The following GPAM variants were observed in gnomAD, a reference collection of about 807,000 sequenced individuals.
GPAM encodes glycerol-3-phosphate acyltransferase 1, mitochondrial.
In GPAM, 56 loss-of-function variants were observed where a neutral mutation model predicts 105.0. The ratio of observed to expected loss-of-function variants is 0.53; its 90% CI spans 0.43 to 0.67. GPAM has a LOEUF of 0.67. Among genes scored for constraint, GPAM ranks in the 30% least tolerant of loss-of-function variants. The pLI is 0.00. For missense variants in GPAM, 855 were observed against 989.8 expected, an observed-to-expected ratio of 0.86 and a Z score of 1.83; for synonymous variants, 368 against 354.4, an observed-to-expected ratio of 1.04 and a Z score of -0.43.
chr10:112,180,482 G>A lies in GPAM; in HGVS notation c.216C>T (p.Pro72=). 6.2e-7 allele frequency: 1 copy of A among 1,613,586 alleles called. No individual in the cohort carries two copies. The highest frequency in any genetic ancestry group is 8.5e-7 in the Non-Finnish European group (1 of 1,179,518). ...FVGRCCYSCT[P]QSWDKFFNPS... Reference sequence around the variant, plus strand: ...GCAGTAAGGTTCTTACCCAGCTCTGGGGAGTGCAGGAGTAACAACATCTTC... The same window carrying A: ...GCAGTAAGGTTCTTACCCAGCTCTGAGGAGTGCAGGAGTAACAACATCTTC... Residue 72 remains proline, a synonymous_variant, in exon 4 of 22, where the codon CCC becomes CCT. Coordinates refer to ENST00000348367, the MANE Select transcript of GPAM (RefSeq NM_001244949.2).
intron 1 of GPAM, among the ~76,000 whole-genome samples, chr10:112,195,521 C>G (rs1009084887): frequency 6.6e-6 from 1 of 152,182 alleles, no homozygotes; most frequent in African/African-American, 2.4e-5. Context: ...CAGCTCAAGT[C>G]TCACCGCCTC....
At chr10:112,154,854 G>A (rs1249296049) in intron 20 of GPAM, 167 bp from the exon 21 acceptor site, 1 of 680,344 alleles carries the variant, frequency 1.5e-6, no homozygotes, top group Non-Finnish European at 2.7e-6. Flanking sequence ...GTTCTCAGAT[G>A]ACTTGCTGTT....
chr10:112,173,357 G>A (rs2133254766), intron 7 of GPAM, among the ~76,000 whole-genome samples: 1 of 152,258 alleles, frequency 6.6e-6, no homozygotes, highest in Non-Finnish European at 1.5e-5. Context: ...CAAGGCGAAT[G>A]AATATTTAGT....
At chr10:112,186,637 C>T (rs1284719995), upstream of GPAM, among the ~76,000 whole-genome samples, 1 of 152,116 alleles carries the variant, frequency 6.6e-6, no homozygotes, top group Non-Finnish European at 1.5e-5. Flanking sequence ...ACCTCCTCCT[C>T]ACAGGTTCAA....
intron 1 of GPAM, among the ~76,000 whole-genome samples, chr10:112,213,376 G>T (rs1847933993): frequency 6.6e-6 from 1 of 152,178 alleles, no homozygotes; most frequent in Non-Finnish European, 1.5e-5. Flanking sequence ...TCATTGTGGG[G>T]ACTGAGTTAA....
Position 112,197,602 on chromosome 10 carries a change from G to T in GPAM, n.211-14711C>A, listed in dbSNP as rs1363408365. The stretch of plus-strand genomic sequence containing the variant: ...GCTGCACCCACTAACTCATCATCTA[G>T]CATTAGGTATATCTCCCAATGCTAT... On this transcript the variant is annotated intron_variant and non_coding_transcript_variant, in intron 1 of 3. Coordinates refer to the GPAM transcript ENST00000480130. Among the ~76,000 whole-genome samples the T allele has an allele frequency of 6.0e-5, 9 of 149,568 alleles. No individual in the cohort carries two copies. In the East Asian group the frequency reaches 1.8e-3, roughly 29 times the overall value.
At chr10:112,222,643 C>T in the GPAM span, among the ~76,000 whole-genome samples, 1 of 152,178 alleles carries the variant, frequency 6.6e-6, no homozygotes, top group Non-Finnish European at 1.5e-5. Flanking sequence ...AAGCATGGCA[C>T]ACATTGTTCC....
Position 112,157,255 on chromosome 10 carries a change from G to A in GPAM, c.2115C>T (p.Tyr705=). The A allele has an allele frequency of 6.2e-7, 1 of 1,613,504 alleles. No individual in the cohort carries two copies. The highest frequency in any genetic ancestry group is 1.1e-5 in the South Asian group (1 of 91,054). Residue 705 remains tyrosine (Y), a synonymous_variant, in exon 19 of 22, where the codon TAC becomes TAT. Transcript: ENST00000348367. ...GAATTCTTCACCCAAGTACCTTCAG[G>A]TAGCAATCTCGCTGTTCCTCCCCAA... ...SDFGEEQRDC[Y]LKVSQSKEHQ...
At chr10:112,177,900 G>A in intron 5 of GPAM, 84 bp downstream of exon 5, 1 of 752,628 alleles carries the variant, frequency 1.3e-6, no homozygotes, top group Non-Finnish European at 2.4e-6. Context: ...GTAATGCAAA[G>A]CAATTCAGCT....
intron 1 of GPAM, among the ~76,000 whole-genome samples, chr10:112,208,895 A>G (rs1847880487): frequency 6.6e-6 from 1 of 152,182 alleles, no homozygotes; most frequent in South Asian, 2.1e-4. Flanking sequence ...GACTGGAAAA[A>G]ACATCATAAG....
chr10:112,168,620 C>A lies in GPAM; in HGVS notation c.895-96G>T, dbSNP rs573252309. 5.9e-5 allele frequency: 51 copies of A among 858,590 alleles called. No homozygotes were observed. In the East Asian group the frequency reaches 1.2e-3, roughly 20 times the overall value. The allele number at this position is 858,590 out of a possible 1,614,324, so 53.2% of individuals were successfully genotyped here. ...ATCTTTAAAAGCAAAACAGAAAAAA[C>A]GATAACTTCACTACTGACAAAGTAT... On this transcript the variant is annotated intron_variant, in intron 10 of 21. Transcript: ENST00000348367.
At chr10:112,224,323 A>G in the GPAM span, among the ~76,000 whole-genome samples, 5 of 152,208 alleles carry the variant, frequency 3.3e-5, no homozygotes, top group East Asian at 3.8e-4. Context: ...AGCAAGAACA[A>G]CTAGGCCCAA....
At position 112,150,571 on chromosome 10, in the gene GPAM, T is replaced by TA. The variant is rs1263417667; in HGVS notation, c.*2978dup. 10 of 983,288 alleles carry TA rather than the reference T, an allele frequency of 1.0e-5. No individual in the cohort carries two copies. Among genetic ancestry groups the TA allele is most frequent in the African/African-American group, 1.7e-5 (1 of 57,198 alleles). 60.9% of individuals were successfully genotyped at this position (983,288 alleles called of 1,614,324 possible). A position where few individuals can be genotyped will look rare whatever the true frequency, so the allele number is the denominator to read the frequency against. Reference sequence around the variant, plus strand: ...TGTCTCCTTAAAGAACTATCTAACATAGTGTTTCCCAAAATGTTCTCCACA... The same window carrying TA: ...TGTCTCCTTAAAGAACTATCTAACATAAGTGTTTCCCAAAATGTTCTCCACA... On this transcript the variant is annotated 3_prime_UTR_variant, in exon 22 of 22. Coordinates refer to ENST00000348367, the MANE Select transcript of GPAM (RefSeq NM_001244949.2).
intron 1 of GPAM, among the ~76,000 whole-genome samples, chr10:112,214,696 C>T (rs562609755): frequency 3.9e-5 from 6 of 152,334 alleles, no homozygotes; most frequent in South Asian, 2.1e-4. Flanking sequence ...GCCAACATCA[C>T]GAGGATTGGT....
At chr10:112,172,943 G>C in intron 8 of GPAM, 27 bp downstream of exon 8, 1 of 1,174,416 alleles carries the variant, frequency 8.5e-7, no homozygotes, top group Non-Finnish European at 1.3e-6. Flanking sequence ...GGGGAAAATG[G>C]GGTAATAGAT....
At chr10:112,173,667 G>T (rs1399027922) in intron 7 of GPAM, 32 bp downstream of exon 7, 1 of 1,606,924 alleles carries the variant, frequency 6.2e-7, no homozygotes, top group East Asian at 2.2e-5. Context: ...GCATGGCTGT[G>T]ATTGAAAGCT....
chr10:112,152,175 A>G lies in GPAM; in HGVS notation c.*1375T>C, dbSNP rs771333401. On this transcript the variant is annotated 3_prime_UTR_variant, in exon 22 of 22. Transcript: ENST00000348367. ...AATTCAAAGAATCTATGTAACACTC[A>G]TCTGGAAAAATTCTTAATTCCATAA... 2.1e-6 allele frequency: 2 copies of G among 975,562 alleles called. No individual in the cohort carries two copies. The highest frequency in any genetic ancestry group is 2.4e-6 in the Non-Finnish European group (2 of 820,934). 60.4% of individuals were successfully genotyped at this position (975,562 alleles called of 1,614,324 possible).
chr10:112,181,795 G>A lies in GPAM; in HGVS notation c.-11C>T, dbSNP rs777275416. On this transcript the variant is annotated 5_prime_UTR_variant, in exon 3 of 22. Transcript: ENST00000348367. ...TGCAGATTCATCCATGTCACAAAGT[G>A]TAATTCCCAAATCATGTGCTATAAA... The A allele has an allele frequency of 6.9e-7, 1 of 1,449,882 alleles. No individual in the cohort carries two copies. Among genetic ancestry groups the A allele is most frequent in the Non-Finnish European group, 9.7e-7 (1 of 1,030,378 alleles). The allele number at this position is 1,449,882 out of a possible 1,614,324, so 89.8% of individuals were successfully genotyped here.
At chr10:112,164,083 T>C (rs564275333) in intron 13 of GPAM, among the ~76,000 whole-genome samples, 11 of 152,350 alleles carry the variant, frequency 7.2e-5, no homozygotes, top group African/African-American at 2.6e-4. Flanking sequence ...CAAGATGCCT[T>C]ATTTTAAAAC....
Sources: gnomAD v4.1 joint callset for allele counts (sites outside exome capture counted in the v4.1 genomes callset) on GRCh38, gnomAD v4.1.1 for gene constraint, MANE v1.5 for transcripts, NCBI Gene and HGNC (gene_info 2026-07-23, HGNC 2026-07-21) for gene names.